NFIC: variants seen among roughly 807,000 people sequenced by gnomAD.
NFIC encodes the protein nuclear factor I C.
Under a neutral mutation model 54.4 loss-of-function variants are expected in NFIC, and 12 were observed. That is an observed-to-expected ratio of 0.22 (90% CI 0.14 to 0.36). The LOEUF (loss-of-function observed/expected upper bound fraction) is 0.36. Ranked by LOEUF, NFIC falls within the 10% of genes least tolerant of loss-of-function variation. The pLI is 1.00. For synonymous variants in NFIC, 322 were observed against 319.2 expected (o/e 1.01, Z -0.09); for missense variants, 575 against 718.2 (o/e 0.80, Z 2.28).
intron 1 of NFIC, chr19:3,371,736 C>CT (rs1423357999): frequency 6.6e-6 from 1 of 152,078 alleles, no homozygotes; most frequent in Non-Finnish European, 1.5e-5. Flanking sequence ...GTTTCCCTCC[C>CT]TTCCCTCTGT....
intron 2 of NFIC, among the ~76,000 whole-genome samples, chr19:3,382,721 G>A (rs1200227264): frequency 2.6e-5 from 4 of 151,130 alleles, no homozygotes; most frequent in Non-Finnish European, 5.9e-5. Flanking sequence ...GGCAAGGAGG[G>A]TCTGAGGGAA....
chr19:3,455,731 C>T (rs2082543806), intron 9 of NFIC, among the ~76,000 whole-genome samples: 1 of 152,100 alleles, frequency 6.6e-6, no homozygotes, highest in South Asian at 2.1e-4. Flanking sequence ...GCCTGGTATA[C>T]AGTAGACACT....
At chr19:3,437,145 A>G (rs1599687828) in intron 6 of NFIC, among the ~76,000 whole-genome samples, 1 of 152,068 alleles carries the variant, frequency 6.6e-6, no homozygotes, top group South Asian at 2.1e-4. Flanking sequence ...AGGCAGGCGG[A>G]TCACGAGGTC....
chr19:3,376,913 A>G (rs1047120199), intron 1 of NFIC, among the ~76,000 whole-genome samples: 4 of 151,846 alleles, frequency 2.6e-5, no homozygotes, highest in African/African-American at 9.7e-5. Context: ...TGTTTTTAGT[A>G]GAGATGGGGT....
At chr19:3,454,255 G>A (rs1002053162) in intron 9 of NFIC, 12 of 1,146,626 alleles carry the variant, frequency 1.0e-5, no homozygotes, top group African/African-American at 8.0e-5. Context: ...TCACAGTGGC[G>A]GCCCGAGGGC....
rs369959968 is a variant in NFIC at position 3,396,089 on chromosome 19, G to A, written c.562+13846G>A. 5.7e-4 allele frequency among the ~76,000 whole-genome samples: 87 copies of A among 152,306 alleles called. 1 individual carries two copies. The highest frequency in any genetic ancestry group is 2.0e-3 in the African/African-American group (82 of 41,582). On this transcript the variant is annotated intron_variant, in intron 2 of 10. Transcript: ENST00000443272. Reference sequence around the variant, plus strand: ...CCACTGTGGCGGGAGGTATTTGGGCGCAAGGAGAGCAGTTGTGAGGACTGG... The same window carrying A: ...CCACTGTGGCGGGAGGTATTTGGGCACAAGGAGAGCAGTTGTGAGGACTGG...
At chr19:3,409,987 T>C (rs539108474) in intron 2 of NFIC, among the ~76,000 whole-genome samples, 2 of 152,278 alleles carry the variant, frequency 1.3e-5, no homozygotes, top group East Asian at 1.9e-4. Context: ...GTGGGAGGAT[T>C]GCTTGAGCCC....
In NFIC at chr19:3,381,879, C is replaced by A; in HGVS notation, c.198C>A (p.Pro66=). 6.2e-7 allele frequency: 1 copy of A among 1,613,982 alleles called. No individual in the cohort carries two copies. Among genetic ancestry groups the A allele is most frequent in the Non-Finnish European group, 8.5e-7 (1 of 1,179,962 alleles). ...AVKDELLGEK[P]EVKQKWASRL... is the part of the protein sequence containing the mutation. ...AGGACGAGCTGCTGGGCGAGAAGCC[C>A]GAGGTCAAGCAGAAGTGGGCGTCGC... The change falls in exon 2 of 11, where the codon CCC becomes CCA. Residue 66 remains proline, a synonymous_variant. Transcript: ENST00000443272.
chr19:3,430,053 C>T (rs2082096993), intron 3 of NFIC, among the ~76,000 whole-genome samples: 1 of 152,066 alleles, frequency 6.6e-6, no homozygotes, highest in Non-Finnish European at 1.5e-5. Context: ...AAATAGCCTC[C>T]CTCCCCACCC....
intron 2 of NFIC, among the ~76,000 whole-genome samples, chr19:3,408,417 C>T (rs1485454475): frequency 6.6e-6 from 1 of 152,034 alleles, no homozygotes; most frequent in Non-Finnish European, 1.5e-5. Context: ...TTAAAAATTG[C>T]TTTAACTGTG....
chr19:3,423,849 T>A (rs1022470362), intron 2 of NFIC, among the ~76,000 whole-genome samples: 29 of 151,920 alleles, frequency 1.9e-4, no homozygotes, highest in African/African-American at 6.8e-4. Context: ...AACAGCCGGG[T>A]CCCTGGGACT....
At position 3,454,915 on chromosome 19, in the gene NFIC, TGGA is replaced by T. The variant is rs2082528633; in HGVS notation, c.1423+1004_1423+1006del. 3.9e-5 allele frequency among the ~76,000 whole-genome samples: 6 copies of T among 152,186 alleles called. No individual in the cohort carries two copies. The South Asian group carries it at 1.2e-3, about 32-fold the overall frequency. On this transcript the variant is annotated intron_variant, in intron 9 of 10. Transcript: ENST00000443272. ...TAAAAACCGGCTTCTGATCACTGGC[TGGA>T]GGAGATCAGCCCCAAATCCACCCTG...
At chr19:3,394,521 CCACCCCCCA>C in intron 2 of NFIC, among the ~76,000 whole-genome samples, 1 of 55,754 alleles carries the variant, frequency 1.8e-5, no homozygotes, top group East Asian at 8.4e-4. Context: ...TTTTCCCCAC[CCACCCCCCA>C]CCCGCTTACA....
rs1278462232 is a variant in NFIC, at chr19:3,370,315, C to G, written c.30+3649C>G. ...GGGGCCTGGTGGCCTCTGATTCACT[C>G]TCTACAAGGCTCCACCACTCTCCCG... On this transcript the variant is annotated intron_variant, in intron 1 of 10. Transcript: ENST00000443272. This position sits in a 1 kb window ranked among gnomAD's most constrained non-coding sequence, Gnocchi z 5.2. Among the ~76,000 whole-genome samples, 1 of 152,108 alleles carries G rather than the reference C, an allele frequency of 6.6e-6. No homozygotes were observed. The highest frequency in any genetic ancestry group is 1.9e-4 in the East Asian group (1 of 5,182).
chr19:3,405,040 G>C (rs2081623545), intron 2 of NFIC, among the ~76,000 whole-genome samples: 1 of 152,248 alleles, frequency 6.6e-6, no homozygotes, highest in Non-Finnish European at 1.5e-5. Context: ...CAGCGCCCGG[G>C]AGGGCCCGGA....
At chr19:3,425,979 G>T (rs1418834878) in intron 3 of NFIC, among the ~76,000 whole-genome samples, 1 of 120,668 alleles carries the variant, frequency 8.3e-6, no homozygotes, top group Non-Finnish European at 1.6e-5. Flanking sequence ...CTGTCGCCCA[G>T]GCTAGAGTGC....
chr19:3,377,493 C>G (rs758073440), intron 1 of NFIC, among the ~76,000 whole-genome samples: 3 of 152,062 alleles, frequency 2.0e-5, no homozygotes, highest in Non-Finnish European at 4.4e-5. Flanking sequence ...CCCAGCCCAG[C>G]CTGGTCAAGG....
rs370906966 is a variant in NFIC at position 3,453,899 on chromosome 19, C to T, written c.1406C>T (p.Thr469Met). ...GCCACCACCTCCGAGGGAGGAGCCA[C>T]GTCGCCGACCTCGCCTTGTAAGCAC... ...KPATTSEGGATSPTSPSYSPP... is the reference protein window; with the variant it reads ...KPATTSEGGAMSPTSPSYSPP... Residue 469 changes from threonine (T) to methionine (M), a missense_variant, in exon 9 of 11, where the codon ACG (threonine) becomes ATG (methionine). By Grantham distance (81) the Thr-to-Met change is moderately conservative. Around this residue, in one of 3 missense-constraint regions of NFIC, gnomAD observed 447 missense variants for 526.9 expected, o/e 0.85. Transcript: ENST00000443272. This position sits in a 1 kb window ranked among gnomAD's most constrained non-coding sequence, Gnocchi z 6.7. 48 of 1,546,662 alleles carry T rather than the reference C, an allele frequency of 3.1e-5. No homozygotes were observed. The highest frequency in any genetic ancestry group is 9.7e-5 in the African/African-American group (7 of 72,174).
intron 1 of NFIC, among the ~76,000 whole-genome samples, chr19:3,368,066 TG>T (rs5826819): frequency 0.55 from 82,861 of 150,156 alleles, 23,090 homozygotes; most frequent in Non-Finnish European, 0.62. Flanking sequence ...TGAGCAGCTT[TG>T]GGGGGGGGGT....
Sources: allele counts gnomAD v4.1 joint callset (sites outside exome capture counted in the v4.1 genomes callset), GRCh38; gene constraint gnomAD v4.1.1; regional missense constraint gnomAD v4.1.1; non-coding constraint Gnocchi (gnomAD v3.1); transcripts MANE v1.5; gene names NCBI Gene and HGNC (gene_info 2026-07-23, HGNC 2026-07-21).